The following PAIP1 variants were observed in gnomAD, a reference collection of about 807,000 sequenced individuals.
The protein encoded by PAIP1 is polyadenylate-binding protein-interacting protein 1.
A neutral mutation model predicts 61.3 loss-of-function variants in PAIP1; 16 were observed. That is an observed-to-expected ratio of 0.26 (90% confidence interval 0.18 to 0.40). PAIP1 has a LOEUF of 0.40. Ranked by LOEUF, PAIP1 falls within the 10% of genes least tolerant of loss-of-function variation. The pLI is 1.00. For missense variants in PAIP1, 416 were observed against 600.9 expected, an observed-to-expected ratio of 0.69 and a Z score of 3.22; for synonymous variants, 187 against 226.2, an observed-to-expected ratio of 0.83 and a Z score of 1.56.
chr5:43,539,452 TACAC>T (rs34509892), intron 4 of PAIP1, among the ~76,000 whole-genome samples: 60,375 of 148,450 alleles, frequency 0.41, 13,817 homozygotes, highest in East Asian at 0.68. Flanking sequence ...GATCTTTAAA[TACAC>T]ACACACACAC....
chr5:43,552,176 G>C (rs1427974963), intron 2 of PAIP1, among the ~76,000 whole-genome samples: 3 of 152,204 alleles, frequency 2.0e-5, no homozygotes. Context: ...ACACTACAGA[G>C]AGTGAATATA....
At position 43,556,759 on chromosome 5, in the gene PAIP1, C is replaced by T. The variant is rs947155577; in HGVS notation, c.88G>A (p.Gly30Ser). 7 of 1,418,934 alleles carry T rather than the reference C, an allele frequency of 4.9e-6. No individual in the cohort carries two copies. Among genetic ancestry groups the T allele is most frequent in the African/African-American group, 3.0e-5 (2 of 66,664 alleles). 87.9% of individuals were successfully genotyped at this position (1,418,934 alleles called of 1,614,324 possible). A position where few individuals can be genotyped will look rare whatever the true frequency, so the allele number is the denominator to read the frequency against. The change falls in exon 1 of 11, where the codon GGT becomes AGT. Residue 30 changes from glycine to serine, a missense_variant. Gly to Ser is a moderately conservative substitution (Grantham distance 56, BLOSUM62 0). Transcript: ENST00000306846. Reference sequence around the variant, plus strand: ...GCAGGCCCCGCTCCGTTCGGGAAACCGCCGCCCTCAGGCCCGCCCCCTCCG... The same window carrying T: ...GCAGGCCCCGCTCCGTTCGGGAAACTGCCGCCCTCAGGCCCGCCCCCTCCG... Reference protein sequence around the residue: ...GRGGGGPEGGGFPNGAGPAER... With the variant: ...GRGGGGPEGGSFPNGAGPAER...
chr5:43,540,088 T>G (rs1015961601), intron 4 of PAIP1, among the ~76,000 whole-genome samples: 3 of 152,222 alleles, frequency 2.0e-5, no homozygotes, highest in African/African-American at 7.2e-5. Context: ...AGTAATTGAC[T>G]CTGGGTCAGT....
At chr5:43,540,848 C>T (rs1222481401) in intron 4 of PAIP1, among the ~76,000 whole-genome samples, 3 of 152,086 alleles carry the variant, frequency 2.0e-5, no homozygotes, top group Non-Finnish European at 4.4e-5. Context: ...CCTAGCTCCA[C>T]CTCGTCTAAT....
At chr5:43,556,257 G>A (rs1291511290) in intron 1 of PAIP1, 24 of 1,277,658 alleles carry the variant, frequency 1.9e-5, no homozygotes, top group Non-Finnish European at 2.3e-5. Context: ...TTTTAAAGGG[G>A]TCGGTGGAAA....
At chr5:43,537,418 T>A (rs1747198971) in intron 5 of PAIP1, among the ~76,000 whole-genome samples, 1 of 152,152 alleles carries the variant, frequency 6.6e-6, no homozygotes. Context: ...TGCTCAACAG[T>A]ATTTATTTTA....
rs1481270042 is a variant in PAIP1 at position 43,526,293 on chromosome 5, T to C, written c.*1083A>G. 1 of 152,600 alleles carries C rather than the reference T, an allele frequency of 6.6e-6. No homozygotes were observed. The highest frequency in any genetic ancestry group is 2.4e-5 in the African/African-American group (1 of 41,446). 9.5% of individuals were successfully genotyped at this position (152,600 alleles called of 1,614,324 possible). A position where few individuals can be genotyped will look rare whatever the true frequency, so the allele number is the denominator to read the frequency against. ...TTAGAGGAAACAACTATTTAAGCTTTATTTTCAAAGTCTAATTTTAATTCA... is the reference window on the plus strand; with the variant it reads ...TTAGAGGAAACAACTATTTAAGCTTCATTTTCAAAGTCTAATTTTAATTCA... On this transcript the variant is annotated 3_prime_UTR_variant, in exon 11 of 11. Transcript: ENST00000306846.
At chr5:43,545,090 G>C (rs1010288072) in intron 3 of PAIP1, among the ~76,000 whole-genome samples, 1 of 152,114 alleles carries the variant, frequency 6.6e-6, no homozygotes, top group African/African-American at 2.4e-5. Flanking sequence ...GCACAACTTT[G>C]TCTTCCCTAG....
chr5:43,543,324 A>AG (rs1554040511), intron 3 of PAIP1, among the ~76,000 whole-genome samples: 2 of 151,796 alleles, frequency 1.3e-5, no homozygotes, highest in East Asian at 1.9e-4. Context: ...AAAAAAAAAA[A>AG]AAAGAAAAAA....
chr5:43,535,207 T>G (rs1473205537), intron 7 of PAIP1, among the ~76,000 whole-genome samples: 6 of 152,226 alleles, frequency 3.9e-5, no homozygotes, highest in Admixed American at 3.9e-4. Context: ...TCAAACATTT[T>G]TATGTGTCCT....
intron 2 of PAIP1, among the ~76,000 whole-genome samples, chr5:43,553,295 G>T (rs1404055817): frequency 3.3e-5 from 5 of 152,138 alleles, no homozygotes; most frequent in Admixed American, 6.5e-5. Flanking sequence ...AGATAAAAGG[G>T]CTTGGTGCCT....
intron 3 of PAIP1, among the ~76,000 whole-genome samples, chr5:43,544,183 C>G (rs1178961543): frequency 7.0e-6 from 1 of 142,240 alleles, no homozygotes; most frequent in African/African-American, 2.6e-5. Context: ...AGCTAAGGGA[C>G]TTGGCCACAA....
intron 7 of PAIP1, 80 bp downstream of exon 7, chr5:43,535,454 A>T (rs192766117): frequency 7.7e-6 from 6 of 780,164 alleles, no homozygotes; most frequent in Admixed American, 4.0e-5. Context: ...CTGCTGAAGT[A>T]TAGCAAATTA....
chr5:43,530,285 T>C (rs953743947), intron 9 of PAIP1, among the ~76,000 whole-genome samples: 4 of 152,194 alleles, frequency 2.6e-5, no homozygotes, highest in South Asian at 4.1e-4. Flanking sequence ...GTTTTAACAA[T>C]GGGGGATTTT....
chr5:43,556,557 TG>T, intron 1 of PAIP1, 24 bp downstream of exon 1: 1 of 1,246,318 alleles, frequency 8.0e-7, no homozygotes, highest in Non-Finnish European at 1.0e-6. Context: ...CAAGGAGGAC[TG>T]GGGCCCTTAG....
chr5:43,556,813 C>G lies in PAIP1; in HGVS notation c.34G>C (p.Gly12Arg). Residue 12 changes from glycine to arginine, a missense_variant, in exon 1 of 11, where the codon GGT becomes CGT. By Grantham distance (125) the Gly-to-Arg change is moderately radical. Coordinates refer to ENST00000306846, the MANE Select transcript of PAIP1 (RefSeq NM_006451.5). The part of the protein sequence containing the change: ...SDGFDRAPGA[G>R]RGRSRGLGRG... ...CCCAGGCCCCGGCTCCGGCCCCGAC[C>G]AGCACCTGGGGCCCGATCGAAACCG... 1 of 1,454,574 alleles carries G rather than the reference C, an allele frequency of 6.9e-7. No homozygotes were observed. Among genetic ancestry groups the G allele is most frequent in the East Asian group, 3.0e-5 (1 of 32,852 alleles). 90.1% of individuals were successfully genotyped at this position (1,454,574 alleles called of 1,614,324 possible). A position where few individuals can be genotyped will look rare whatever the true frequency, so the allele number is the denominator to read the frequency against.
chr5:43,556,913 A>AAGGCGCCGCGGGTCGGCTAT lies in PAIP1; in HGVS notation c.-87_-68dup. 3 of 1,318,034 alleles carry AAGGCGCCGCGGGTCGGCTAT rather than the reference A, an allele frequency of 2.3e-6. No individual in the cohort carries two copies. Among genetic ancestry groups the AAGGCGCCGCGGGTCGGCTAT allele is most frequent in the African/African-American group, 1.5e-5 (1 of 64,532 alleles). The allele number at this position is 1,318,034 out of a possible 1,614,324, so 81.6% of individuals were successfully genotyped here. A position where few individuals can be genotyped will look rare whatever the true frequency, so the allele number is the denominator to read the frequency against. Reference sequence around the variant, plus strand: ...TGCGCTCGCGATAGGACGCGGGGGGAAGGCGCCGCGGGTCGGCTATAGCCG... The same window carrying AAGGCGCCGCGGGTCGGCTAT: ...TGCGCTCGCGATAGGACGCGGGGGGAAGGCGCCGCGGGTCGGCTATAGGCGCCGCGGGTCGGCTATAGCCG... On this transcript the variant is annotated 5_prime_UTR_variant, in exon 1 of 11. Transcript: ENST00000306846.
chr5:43,542,109 G>A (rs1419093897), intron 4 of PAIP1, among the ~76,000 whole-genome samples: 2 of 151,352 alleles, frequency 1.3e-5, no homozygotes, highest in Non-Finnish European at 2.9e-5. Context: ...CTCAGAGGTA[G>A]AGGTTGCAGT....
intron 1 of PAIP1, 173 bp from the exon 2 acceptor site, chr5:43,556,172 T>G (rs527732909): frequency 7.1e-7 from 1 of 1,401,688 alleles, no homozygotes; most frequent in African/African-American, 1.5e-5. Flanking sequence ...AAAGGAACAA[T>G]AGACTTGCTG....
Sources: gnomAD v4.1 joint callset for allele counts (sites outside exome capture counted in the v4.1 genomes callset) on GRCh38, gnomAD v4.1.1 for gene constraint, MANE v1.5 for transcripts, NCBI Gene and HGNC (gene_info 2026-07-23, HGNC 2026-07-21) for gene names.